Variants in ERC1 observed in about 807,000 individuals in gnomAD.
The protein encoded by ERC1 is RAB6 interacting protein 2.
ERC1 carries 56 observed loss-of-function variants against 132.0 expected under a neutral mutation model. The ratio of observed to expected loss-of-function variants is 0.42; its 90% CI spans 0.34 to 0.53. The LOEUF (loss-of-function observed/expected upper bound fraction) is 0.53. ERC1 is among the 20% of genes least tolerant of loss of function. The pLI is 0.03. For missense variants in ERC1, 1,202 were observed against 1,349.9 expected (o/e 0.89, Z 1.72); for synonymous variants, 478 against 476.1 (o/e 1.00, Z -0.05).
intron 2 of ERC1, among the ~76,000 whole-genome samples, chr12:1,071,093 A>G (rs376230273): frequency 7.9e-5 from 12 of 152,134 alleles, no homozygotes; most frequent in East Asian, 1.9e-4. Context: ...AGTTTATCCA[A>G]TCTTCTGTTG....
Position 1,054,652 on chromosome 12 carries a change from C to G in ERC1, c.669+26080C>G, listed in dbSNP as rs116352374. On this transcript the variant is annotated intron_variant, in intron 2 of 18. Transcript: ENST00000360905. Reference sequence around the variant, plus strand: ...GGTTTCCCAATGAGAGAAGGGAGGTCTGGCTGCATTCACTCGCACAAGGTG... The same window carrying G: ...GGTTTCCCAATGAGAGAAGGGAGGTGTGGCTGCATTCACTCGCACAAGGTG... Among the ~76,000 whole-genome samples the G allele has an allele frequency of 5.8e-3, 884 of 152,218 alleles. 10 individuals are homozygous for G. The highest frequency in any genetic ancestry group is 0.02 in the African/African-American group (816 of 41,528).
intron 16 of ERC1, among the ~76,000 whole-genome samples, chr12:1,395,195 A>G (rs2090426079): frequency 6.6e-6 from 1 of 152,198 alleles, no homozygotes; most frequent in Admixed American, 6.5e-5. Context: ...GTTTTTGAAC[A>G]GTTTCATTTT....
At chr12:1,400,117 T>C (rs2090897676) in intron 16 of ERC1, among the ~76,000 whole-genome samples, 1 of 152,236 alleles carries the variant, frequency 6.6e-6, no homozygotes, top group Non-Finnish European at 1.5e-5. Flanking sequence ...TTGTTTTGTT[T>C]TATATTGTAT....
chr12:1,098,528 T>A (rs1169184143), intron 3 of ERC1, among the ~76,000 whole-genome samples: 1 of 152,116 alleles, frequency 6.6e-6, no homozygotes, highest in Non-Finnish European at 1.5e-5. Context: ...GAAATGAATA[T>A]CAGGAGGAGA....
At chr12:1,136,600 T>C (rs1949270393) in intron 7 of ERC1, among the ~76,000 whole-genome samples, 1 of 152,226 alleles carries the variant, frequency 6.6e-6, no homozygotes, top group South Asian at 2.1e-4. Flanking sequence ...TTTCTCCTGC[T>C]TAAAAATCTT....
chr12:1,020,403 G>C (rs1320579209), intron 1 of ERC1, among the ~76,000 whole-genome samples: 2 of 152,218 alleles, frequency 1.3e-5, no homozygotes, highest in Non-Finnish European at 2.9e-5. Flanking sequence ...GTTGCAGTGA[G>C]CCAAGATTGT....
intron 2 of ERC1, among the ~76,000 whole-genome samples, chr12:1,032,047 C>CTT (rs368829263): frequency 1.9e-4 from 27 of 140,076 alleles, no homozygotes; most frequent in Non-Finnish European, 2.5e-4. Flanking sequence ...TAATCTAATT[C>CTT]TTTTTTTTTT....
intron 16 of ERC1, among the ~76,000 whole-genome samples, chr12:1,394,023 A>AC (rs1454703857): frequency 9.4e-6 from 1 of 105,992 alleles, no homozygotes; most frequent in Non-Finnish European, 1.9e-5. Flanking sequence ...CTCAAAAAAA[A>AC]AAAAAAAAAA....
chr12:1,481,213 A>C (rs974524456), intron 18 of ERC1, among the ~76,000 whole-genome samples: 1 of 152,224 alleles, frequency 6.6e-6, no homozygotes, highest in Non-Finnish European at 1.5e-5. Context: ...AAGGGAAACC[A>C]TGGACAAGGG....
Position 1,491,148 on chromosome 12 carries a change from C to T in ERC1, c.*918C>T, listed in dbSNP as rs1019695008. The T allele has an allele frequency of 1.3e-5, 3 of 232,328 alleles. No homozygotes were observed. In the Admixed American group the frequency reaches 1.7e-4, roughly 13 times the overall value. 14.4% of individuals were successfully genotyped at this position (232,328 alleles called of 1,614,324 possible). ...TGTTGTCCCCGCCTGCAGCTTTGCC[C>T]CAGTAACAGATGCCCGTTGCTCTTG... On this transcript the variant is annotated 3_prime_UTR_variant, in exon 19 of 19. Transcript: ENST00000360905.
chr12:1,477,201 T>TA (rs1020711869), intron 18 of ERC1, among the ~76,000 whole-genome samples: 3 of 151,642 alleles, frequency 2.0e-5, no homozygotes, highest in East Asian at 1.9e-4. Flanking sequence ...TTTCTGTGAT[T>TA]AAAAAAAAAT....
chr12:1,060,431 G>A (rs1191285989), intron 2 of ERC1, among the ~76,000 whole-genome samples: 1 of 151,924 alleles, frequency 6.6e-6, no homozygotes, highest in African/African-American at 2.4e-5. Flanking sequence ...GCGGTGTTTG[G>A]TTTTTTGTCC....
intron 15 of ERC1, among the ~76,000 whole-genome samples, chr12:1,354,257 C>T (rs573507811): frequency 6.6e-6 from 1 of 152,220 alleles, no homozygotes; most frequent in East Asian, 1.9e-4. Context: ...GGTGTGGTGG[C>T]TCATGCCTGC....
In ERC1 at chr12:1,036,490, T is replaced by TCAGCCTCCTGAGTAG. The variant is rs553574327; in HGVS notation, c.669+7920_669+7934dup. 7.6e-3 allele frequency among the ~76,000 whole-genome samples: 1,160 copies of TCAGCCTCCTGAGTAG among 152,024 alleles called. 7 individuals carry two copies. Among genetic ancestry groups the TCAGCCTCCTGAGTAG allele is most frequent in the Non-Finnish European group, 0.012 (842 of 67,972 alleles). On this transcript the variant is annotated intron_variant, in intron 2 of 18. Coordinates refer to ENST00000360905, the MANE Select transcript of ERC1 (RefSeq NM_178040.4). Reference sequence around the variant, plus strand: ...CCCAGGTTCAAGTGATTCTCCTGCCTCAGCCTCCTGAGTAGCTGGAACTGC... The same window carrying TCAGCCTCCTGAGTAG: ...CCCAGGTTCAAGTGATTCTCCTGCCTCAGCCTCCTGAGTAGCAGCCTCCTGAGTAGCTGGAACTGC...
intron 15 of ERC1, among the ~76,000 whole-genome samples, chr12:1,306,471 CTG>C (rs1466643854): frequency 2.6e-5 from 4 of 152,188 alleles, no homozygotes; most frequent in Non-Finnish European, 5.9e-5. Context: ...CCATGTAAAA[CTG>C]TATTGGAAAA....
chr12:1,176,053 A>G (rs1953680109), intron 8 of ERC1, among the ~76,000 whole-genome samples: 2 of 152,150 alleles, frequency 1.3e-5, no homozygotes, highest in African/African-American at 2.4e-5. Flanking sequence ...AATGTTTTTA[A>G]TGACATCAGG....
intron 1 of ERC1, among the ~76,000 whole-genome samples, chr12:1,024,063 G>A (rs963007443): frequency 2.0e-5 from 3 of 152,118 alleles, no homozygotes; most frequent in Admixed American, 1.3e-4. Flanking sequence ...GATGAGATAC[G>A]TAAATTTGAT....
intron 16 of ERC1, among the ~76,000 whole-genome samples, chr12:1,372,773 G>C (rs768088845): frequency 9.9e-5 from 15 of 152,190 alleles, no homozygotes; most frequent in Non-Finnish European, 1.9e-4. Flanking sequence ...GTACATTTTG[G>C]CTGCCCAGGT....
At chr12:1,171,053 A>G (rs1033382527) in intron 8 of ERC1, among the ~76,000 whole-genome samples, 10 of 152,280 alleles carry the variant, frequency 6.6e-5, no homozygotes, top group African/African-American at 2.2e-4. Flanking sequence ...AATTTGCTCA[A>G]TGCCACGTAA....
Sources: allele counts gnomAD v4.1 joint callset (sites outside exome capture counted in the v4.1 genomes callset), GRCh38; gene constraint gnomAD v4.1.1; transcripts MANE v1.5; gene names NCBI Gene and HGNC (gene_info 2026-07-23, HGNC 2026-07-21).